Variants in GABRA1 observed in about 807,000 individuals in gnomAD.
The protein encoded by GABRA1 is gamma-aminobutyric acid type A receptor subunit alpha1, also known as gamma-aminobutyric acid receptor subunit alpha-1.
In GABRA1, 9 loss-of-function variants were observed where a neutral mutation model predicts 48.9. That is an observed-to-expected ratio of 0.18 (90% CI 0.11 to 0.32). The LOEUF (loss-of-function observed/expected upper bound fraction) is 0.32, where lower values mean the gene tolerates loss of function less well. Among genes scored for constraint, GABRA1 ranks in the 10% least tolerant of loss-of-function variants. GABRA1 has a pLI of 1.00. For synonymous variants in GABRA1, 210 were observed against 198.7 expected (o/e 1.06, Z -0.48); for missense variants, 285 against 553.8 (o/e 0.51, Z 4.87).
intron 7 of GABRA1, among the ~76,000 whole-genome samples, chr5:161,886,790 T>C (rs1448005598): frequency 6.6e-6 from 1 of 151,658 alleles, no homozygotes; most frequent in Non-Finnish European, 1.5e-5. Context: ...ATAATAATAA[T>C]AAAAATAATA....
rs536247137 is a variant in GABRA1, at chr5:161,879,013, G to A, written c.559+3371G>A. ...AAAAGTGAAATGATAGTGTCAATTA[G>A]CAACTCTCCTGATACTAAGTAATAT... On this transcript the variant is annotated intron_variant, in intron 6 of 9. Transcript: ENST00000393943. 4.6e-5 allele frequency among the ~76,000 whole-genome samples: 7 copies of A among 152,252 alleles called. No individual in the cohort carries two copies. The South Asian group carries it at 1.2e-3, about 27-fold the overall frequency.
At chr5:161,854,077 A>G in intron 2 of GABRA1, 81 bp from the exon 3 acceptor site, 4 of 730,698 alleles carry the variant, frequency 5.5e-6, no homozygotes, top group Non-Finnish European at 9.5e-6. Context: ...AAGTAGAAAA[A>G]CTGAGAAAGG....
chr5:161,881,327 G>T (rs569025176), intron 6 of GABRA1, among the ~76,000 whole-genome samples: 1 of 152,238 alleles, frequency 6.6e-6, no homozygotes, highest in South Asian at 2.1e-4. Context: ...TGTGAAGTGG[G>T]TGTTATAGGA....
chr5:161,887,688 A>G (rs898628719), intron 7 of GABRA1, among the ~76,000 whole-genome samples: 3 of 152,166 alleles, frequency 2.0e-5, no homozygotes, highest in Admixed American at 1.3e-4. Context: ...GGAAAATGAC[A>G]GCTTCACAAG....
At chr5:161,848,048 T>A (rs1340826016), upstream of GABRA1, 1 of 152,114 alleles carries the variant, frequency 6.6e-6, no homozygotes, top group Non-Finnish European at 1.5e-5. Flanking sequence ...AATGGGCGGA[T>A]TGGTCTCCAG....
intron 5 of GABRA1, among the ~76,000 whole-genome samples, chr5:161,874,181 A>G (rs1461902711): frequency 6.6e-6 from 1 of 152,190 alleles, no homozygotes; most frequent in Non-Finnish European, 1.5e-5. Context: ...GTAAAATCCT[A>G]AATTTATGGA....
intron 3 of GABRA1, among the ~76,000 whole-genome samples, chr5:161,863,645 A>G (rs991020565): frequency 7.2e-5 from 11 of 152,014 alleles, no homozygotes; most frequent in Non-Finnish European, 4.4e-5. Context: ...GGCGGGGACA[A>G]ATATCCAAAC....
chr5:161,860,528 A>C (rs941097572), intron 3 of GABRA1, among the ~76,000 whole-genome samples: 3 of 151,780 alleles, frequency 2.0e-5, no homozygotes. Flanking sequence ...GTACAAAAGA[A>C]AGTACAAAAA....
intron 7 of GABRA1, among the ~76,000 whole-genome samples, chr5:161,889,572 A>G (rs1389757302): frequency 8.5e-5 from 13 of 152,122 alleles, no homozygotes; most frequent in Non-Finnish European, 1.9e-4. Context: ...GAAGATAGGT[A>G]GAGTTTTGTA....
intron 4 of GABRA1, 189 bp from the exon 5 acceptor site, chr5:161,872,928 A>T: frequency 1.7e-6 from 1 of 585,214 alleles, no homozygotes; most frequent in Non-Finnish European, 3.0e-6. Flanking sequence ...TTTTTTTAAA[A>T]AATCATTACA....
intron 3 of GABRA1, among the ~76,000 whole-genome samples, 197 bp downstream of exon 3, chr5:161,854,467 C>G (rs1757570806): frequency 6.6e-6 from 1 of 151,672 alleles, no homozygotes; most frequent in African/African-American, 2.4e-5. Flanking sequence ...AAGGCAGACA[C>G]AAACTTCTAA....
intron 5 of GABRA1, among the ~76,000 whole-genome samples, chr5:161,874,276 G>T (rs1754248969): frequency 6.6e-6 from 1 of 151,954 alleles, no homozygotes; most frequent in Non-Finnish European, 1.5e-5. Flanking sequence ...CAAAAGAAAA[G>T]AAAAGAAAAA....
intron 3 of GABRA1, among the ~76,000 whole-genome samples, chr5:161,855,330 G>T (rs1757607603): frequency 6.6e-6 from 1 of 151,538 alleles, no homozygotes; most frequent in Non-Finnish European, 1.5e-5. Context: ...TGACATGGTT[G>T]TGTATTATGG....
chr5:161,885,670 G>A (rs1323617324), intron 7 of GABRA1, among the ~76,000 whole-genome samples: 1 of 152,088 alleles, frequency 6.6e-6, no homozygotes, highest in East Asian at 1.9e-4. Flanking sequence ...TACATTAGAG[G>A]TACAATTCCT....
At chr5:161,865,686 C>T (rs2113353910) in intron 3 of GABRA1, 35 bp from the exon 4 acceptor site, 1 of 1,561,984 alleles carries the variant, frequency 6.4e-7, no homozygotes, top group Non-Finnish European at 8.8e-7. Flanking sequence ...GGACGGTTGA[C>T]AGACACTCAC....
intron 3 of GABRA1, among the ~76,000 whole-genome samples, chr5:161,856,207 T>C (rs1016939077): frequency 3.3e-5 from 5 of 151,390 alleles, no homozygotes; most frequent in African/African-American, 1.2e-4. Flanking sequence ...GAGAGTATAT[T>C]GAAAAGCTAA....
upstream of GABRA1, chr5:161,847,197 A>C (rs1757246234): frequency 6.6e-6 from 1 of 151,962 alleles, no homozygotes; most frequent in Admixed American, 6.6e-5. Context: ...GGGTAACAGA[A>C]GATGCCGGAG....
intron 7 of GABRA1, among the ~76,000 whole-genome samples, chr5:161,890,060 A>G (rs774155673): frequency 2.6e-5 from 4 of 152,044 alleles, no homozygotes; most frequent in Non-Finnish European, 4.4e-5. Context: ...CTGAGAAAGT[A>G]TAAGGCAAAA....
At chr5:161,894,578 T>C (rs149922428) in intron 8 of GABRA1, among the ~76,000 whole-genome samples, 104 of 152,270 alleles carry the variant, frequency 6.8e-4, no homozygotes, top group Admixed American at 2.7e-3. Context: ...AGTGGTAGGA[T>C]TGAGACTAGT....
Sources: gnomAD v4.1 joint callset for allele counts (sites outside exome capture counted in the v4.1 genomes callset) on GRCh38, gnomAD v4.1.1 for gene constraint, MANE v1.5 for transcripts, NCBI Gene and HGNC (gene_info 2026-07-23, HGNC 2026-07-21) for gene names.